OTOGL: variants seen among roughly 807,000 people sequenced by gnomAD.
OTOGL encodes the protein otogelin-like protein.
In OTOGL, 285 loss-of-function variants were observed where a neutral mutation model predicts 318.5. The ratio of observed to expected loss-of-function variants is 0.89; its 90% CI spans 0.81 to 0.99. The LOEUF (loss-of-function observed/expected upper bound fraction) is 0.99. Ranked by LOEUF, OTOGL falls within the 50% of genes least tolerant of loss-of-function variation. OTOGL has a pLI of 0.00. For synonymous variants in OTOGL, 987 were observed against 936.5 expected (o/e 1.05, Z -0.99); for missense variants, 2,899 against 2,845.6 (o/e 1.02, Z -0.43).
intron 1 of OTOGL, among the ~76,000 whole-genome samples, chr12:80,125,702 G>C (rs572394632): frequency 4.6e-4 from 70 of 152,196 alleles, no homozygotes; most frequent in African/African-American, 1.6e-3. Flanking sequence ...ATTAATTATT[G>C]CCTCAATTTC....
At chr12:80,113,664 A>C (rs999207129) in intron 1 of OTOGL, among the ~76,000 whole-genome samples, 4 of 152,162 alleles carry the variant, frequency 2.6e-5, no homozygotes, top group African/African-American at 9.7e-5. Context: ...TCCAGAGCTG[A>C]GTTCAAGTCC....
At chr12:80,266,109 T>G in intron 20 of OTOGL, 1 of 182,074 alleles carries the variant, frequency 5.5e-6, no homozygotes, top group Non-Finnish European at 1.1e-5. Context: ...TCATGCCCAT[T>G]TGTCTGTGTG....
intron 1 of OTOGL, among the ~76,000 whole-genome samples, chr12:80,168,832 C>G (rs539098741): frequency 2.0e-5 from 3 of 152,164 alleles, no homozygotes; most frequent in Non-Finnish European, 4.4e-5. Context: ...GTGAACAGAA[C>G]CTTCTCTAAG....
intron 1 of OTOGL, among the ~76,000 whole-genome samples, chr12:80,205,155 C>T (rs1876726930): frequency 6.6e-6 from 1 of 151,986 alleles, no homozygotes; most frequent in Non-Finnish European, 1.5e-5. Context: ...CATGAGAAAC[C>T]AACTTTATGG....
intron 1 of OTOGL, among the ~76,000 whole-genome samples, chr12:80,173,151 T>C (rs992151062): frequency 4.7e-4 from 71 of 151,556 alleles, no homozygotes; most frequent in African/African-American, 1.6e-3. Context: ...TATCAATATT[T>C]ACTTTATAAG....
At chr12:80,349,631 G>C (rs1330873445) in intron 44 of OTOGL, among the ~76,000 whole-genome samples, 1 of 152,078 alleles carries the variant, frequency 6.6e-6, no homozygotes, top group Non-Finnish European at 1.5e-5. Context: ...AGATCGCGGA[G>C]GGTTTAGAAT....
At chr12:80,238,542 C>G (rs1167689058) in intron 9 of OTOGL, among the ~76,000 whole-genome samples, 2 of 152,186 alleles carry the variant, frequency 1.3e-5, no homozygotes, top group Non-Finnish European at 2.9e-5. Context: ...ACTGATTGAA[C>G]ATTGGCGATA....
chr12:80,302,522 C>T, intron 27 of OTOGL, 112 bp from the exon 28 acceptor site: 1 of 681,684 alleles, frequency 1.5e-6, no homozygotes, highest in Non-Finnish European at 2.1e-6. Flanking sequence ...CATGACCATG[C>T]AACAATATTA....
intron 11 of OTOGL, among the ~76,000 whole-genome samples, chr12:80,249,739 C>T (rs527699275): frequency 2.6e-5 from 4 of 152,278 alleles, no homozygotes; most frequent in South Asian, 2.1e-4. Flanking sequence ...GAAGCCTGGG[C>T]GATGGCGGGC....
intron 34 of OTOGL, 86 bp downstream of exon 34, chr12:80,320,786 C>A: frequency 7.5e-7 from 1 of 1,331,806 alleles, no homozygotes; most frequent in Non-Finnish European, 1.0e-6. Context: ...AAAAACCATT[C>A]TTACTGCATA....
At position 80,343,509 on chromosome 12, in the gene OTOGL, G is replaced by GGTTTTTTTTTTTTTTTTT; in HGVS notation, c.5265+1347_5265+1348insGTTTTTTTTTTTTTTTTT. 5.0e-4 allele frequency: 18 copies of GGTTTTTTTTTTTTTTTTT among 35,858 alleles called. 6 individuals are homozygous for GGTTTTTTTTTTTTTTTTT. The highest frequency in any genetic ancestry group is 2.3e-3 in the East Asian group (2 of 886). 2.2% of individuals were successfully genotyped at this position (35,858 alleles called of 1,614,324 possible). A position where few individuals can be genotyped will look rare whatever the true frequency, so the allele number is the denominator to read the frequency against. On this transcript the variant is annotated intron_variant, in intron 44 of 58. Coordinates refer to ENST00000547103, the MANE Select transcript of OTOGL (RefSeq NM_001378609.3). ...TACATTTTTATTATTTTTTATTCTTGTTTTTTTTTTTTTTTTTTTTTTTTT... is the reference window on the plus strand; with the variant it reads ...TACATTTTTATTATTTTTTATTCTTGGTTTTTTTTTTTTTTTTTTTTTTTTTTTTTTTTTTTTTTTTTT...
At chr12:80,227,263 T>A (rs1878946099) in intron 7 of OTOGL, among the ~76,000 whole-genome samples, 1 of 152,186 alleles carries the variant, frequency 6.6e-6, no homozygotes, top group South Asian at 2.1e-4. Context: ...CAGTATTCAA[T>A]TATTTGTTTT....
At chr12:80,323,644 C>A in intron 34 of OTOGL, 79 bp from the exon 35 acceptor site, 1 of 1,118,100 alleles carries the variant, frequency 8.9e-7, no homozygotes, top group Non-Finnish European at 1.3e-6. Flanking sequence ...GCGAGACTGT[C>A]TCAAGAAAGA....
intron 11 of OTOGL, 128 bp downstream of exon 11, chr12:80,239,567 A>T: frequency 1.6e-6 from 1 of 640,754 alleles, no homozygotes; most frequent in Non-Finnish European, 2.5e-6. Context: ...TATAAACTGC[A>T]AACAGCTATT....
At chr12:80,332,668 T>C (rs1014286609) in intron 37 of OTOGL, among the ~76,000 whole-genome samples, 1 of 152,234 alleles carries the variant, frequency 6.6e-6, no homozygotes, top group Non-Finnish European at 1.5e-5. Flanking sequence ...TTAGTGATAC[T>C]ATTAATATTT....
intron 57 of OTOGL, among the ~76,000 whole-genome samples, chr12:80,372,709 G>C (rs1890953594): frequency 6.7e-6 from 1 of 149,446 alleles, no homozygotes; most frequent in African/African-American, 2.5e-5. Context: ...TTTTTAGTGA[G>C]ACGGAGTTTT....
At position 80,367,668 on chromosome 12, in the gene OTOGL, G is replaced by T; in HGVS notation, c.6439G>T (p.Glu2147Ter). ...DFCYAIECLE[E>*]KDNHTGFHTL... ...TTGTTATGCTATAGAGTGTCTGGAA[G>T]AAAAAGATAACCATACGGGCTTTCA... The change falls in exon 54 of 59, where the codon GAA (glutamate) becomes TAA (stop). Residue 2147 changes from glutamate (E) to a stop codon, truncating the protein, a stop_gained. Coordinates refer to ENST00000547103, the MANE Select transcript of OTOGL (RefSeq NM_001378609.3). LOFTEE classifies it high-confidence loss of function. 1.3e-6 allele frequency: 2 copies of T among 1,497,674 alleles called. No individual in the cohort carries two copies. The highest frequency in any genetic ancestry group is 8.9e-7 in the Non-Finnish European group (1 of 1,119,940). The allele number at this position is 1,497,674 out of a possible 1,614,324, so 92.8% of individuals were successfully genotyped here. A position where few individuals can be genotyped will look rare whatever the true frequency, so the allele number is the denominator to read the frequency against.
intron 1 of OTOGL, among the ~76,000 whole-genome samples, chr12:80,160,405 T>A (rs540095377): frequency 6.6e-6 from 1 of 151,500 alleles, no homozygotes; most frequent in Non-Finnish European, 1.5e-5. Flanking sequence ...AAAAAAACAA[T>A]CCCATCAAAA....
At chr12:80,182,890 A>G (rs1306170980) in intron 1 of OTOGL, among the ~76,000 whole-genome samples, 1 of 152,224 alleles carries the variant, frequency 6.6e-6, no homozygotes, top group Non-Finnish European at 1.5e-5. Context: ...GCAGAAATGC[A>G]TGAATAGCTT....
Sources: allele counts gnomAD v4.1 joint callset (sites outside exome capture counted in the v4.1 genomes callset), GRCh38; gene constraint gnomAD v4.1.1; transcripts MANE v1.5; gene names NCBI Gene and HGNC (gene_info 2026-07-23, HGNC 2026-07-21).